PLB1: variants seen among roughly 807,000 people sequenced by gnomAD.
PLB1 encodes the protein phospholipase B1, membrane-associated.
Under a neutral mutation model 227.4 loss-of-function variants are expected in PLB1, and 242 were observed. The observed-to-expected ratio is 1.06, with a 90% CI of 0.96 to 1.18. The LOEUF (loss-of-function observed/expected upper bound fraction) is 1.18, where lower values mean the gene tolerates loss of function less well. Ranked by LOEUF, PLB1 falls within the 50% of genes most tolerant of loss-of-function variation. The probability of loss-of-function intolerance (pLI) is 0.00; values close to 1 mark genes in which losing one functional copy is unlikely to be tolerated. For synonymous variants in PLB1, 757 were observed against 682.2 expected, an observed-to-expected ratio of 1.11 and a Z score of -1.71; for missense variants, 1,858 against 1,816.3, an observed-to-expected ratio of 1.02 and a Z score of -0.42.
intron 33 of PLB1, chr2:28,594,221 G>T: frequency 3.1e-6 from 1 of 320,212 alleles, no homozygotes; most frequent in South Asian, 2.6e-5. Flanking sequence ...ACTTCGAGAG[G>T]CCATAACCAA....
At chr2:28,572,839 A>G (rs1387647195) in intron 20 of PLB1, among the ~76,000 whole-genome samples, 1 of 152,210 alleles carries the variant, frequency 6.6e-6, no homozygotes, top group Non-Finnish European at 1.5e-5. Flanking sequence ...TGATTGTACA[A>G]CTGTGTGAAT....
chr2:28,509,030 C>T (rs778978031), intron 1 of PLB1, among the ~76,000 whole-genome samples: 7 of 152,242 alleles, frequency 4.6e-5, no homozygotes, highest in South Asian at 4.1e-4. Context: ...ATCCTCATAA[C>T]GACCTCATGA....
intron 1 of PLB1, among the ~76,000 whole-genome samples, chr2:28,503,558 C>T (rs981892850): frequency 6.6e-6 from 1 of 152,198 alleles, no homozygotes; most frequent in African/African-American, 2.4e-5. Flanking sequence ...GTTCTGTGAA[C>T]CTGCAGCTTG....
chr2:28,537,332 G>A (rs967279639), intron 9 of PLB1, among the ~76,000 whole-genome samples: 3 of 152,170 alleles, frequency 2.0e-5, no homozygotes, highest in African/African-American at 7.2e-5. Context: ...GGGACAGCCA[G>A]TCTGCTGTTT....
chr2:28,548,600 TAA>T (rs745946787), intron 14 of PLB1: 11 of 358,858 alleles, frequency 3.1e-5, no homozygotes, highest in Non-Finnish European at 4.9e-5. Context: ...TATATATATA[TAA>T]AACCGATGCT....
At chr2:28,570,344 C>T (rs1677796105) in intron 20 of PLB1, among the ~76,000 whole-genome samples, 1 of 152,058 alleles carries the variant, frequency 6.6e-6, no homozygotes, top group East Asian at 1.9e-4. Context: ...GGAATTAGCC[C>T]AGGAATACAA....
At chr2:28,590,568 A>G (rs1681731502) in intron 29 of PLB1, among the ~76,000 whole-genome samples, 1 of 151,910 alleles carries the variant, frequency 6.6e-6, no homozygotes, top group African/African-American at 2.4e-5. Flanking sequence ...CCCCATTTTT[A>G]CTCACAAGTT....
chr2:28,513,680 C>T (rs1283409795), intron 1 of PLB1, among the ~76,000 whole-genome samples: 1 of 152,220 alleles, frequency 6.6e-6, no homozygotes, highest in Non-Finnish European at 1.5e-5. Flanking sequence ...CACATACACA[C>T]CACACAGAGA....
At position 28,589,549 on chromosome 2, in the gene PLB1, A is replaced by ATT. The variant is rs1411892941; in HGVS notation, c.1915_1916insTT (p.Thr639IlefsTer64). 1.2e-6 allele frequency: 2 copies of ATT among 1,614,060 alleles called. No homozygotes were observed. Among genetic ancestry groups the ATT allele is most frequent in the Non-Finnish European group, 1.7e-6 (2 of 1,179,940 alleles). ...CTTTGAAAACGTGGACATGCCAAAG[A>ATT]CCTCGGTAAAGAAAGCAAGCATCGT... On this transcript the variant is annotated frameshift_variant, in exon 27 of 58. Transcript: ENST00000327757. LOFTEE classifies it high-confidence loss of function.
chr2:28,609,053 C>T (rs1163997071), intron 43 of PLB1, among the ~76,000 whole-genome samples: 1 of 152,096 alleles, frequency 6.6e-6, no homozygotes, highest in East Asian at 1.9e-4. Flanking sequence ...GTAGTTGGGA[C>T]TGCAGGCATG....
At chr2:28,573,444 G>A in intron 21 of PLB1, 139 bp downstream of exon 21, 1 of 663,844 alleles carries the variant, frequency 1.5e-6, no homozygotes, top group Non-Finnish European at 2.7e-6. Context: ...CCTGGACAGA[G>A]CTCTCTTGGA....
chr2:28,512,723 T>G, intron 1 of PLB1, among the ~76,000 whole-genome samples: 2 of 150,820 alleles, frequency 1.3e-5, no homozygotes, highest in South Asian at 2.1e-4. Flanking sequence ...ATCCTAGGAG[T>G]CACCCTTGAG....
chr2:28,518,064 T>C (rs938428397), intron 2 of PLB1, among the ~76,000 whole-genome samples: 24 of 152,086 alleles, frequency 1.6e-4, no homozygotes, highest in African/African-American at 5.8e-4. Context: ...GTATTTTTAG[T>C]AGAGACAAAA....
chr2:28,505,197 C>G (rs1667517560), intron 1 of PLB1, among the ~76,000 whole-genome samples: 1 of 152,152 alleles, frequency 6.6e-6, no homozygotes, highest in African/African-American at 2.4e-5. Flanking sequence ...CCAAAATCAT[C>G]CAGCTAATTA....
Position 28,589,161 on chromosome 2 carries a change from T to TC in PLB1, c.1816-283dup, listed in dbSNP as rs556509894. Among the ~76,000 whole-genome samples, 93 of 150,086 alleles carry TC rather than the reference T, an allele frequency of 6.2e-4. 1 individual carries two copies. The highest frequency in any genetic ancestry group is 1.1e-3 in the Non-Finnish European group (76 of 67,548). On this transcript the variant is annotated intron_variant, in intron 26 of 57. Transcript: ENST00000327757. The stretch of plus-strand genomic sequence containing the variant: ...GCCTGGGTGACAGAGTGAGACTCTG[T>TC]CCCCCCAAAAAAAAAAGGTCAAGCT...
chr2:28,509,628 T>A (rs1668005248), intron 1 of PLB1, among the ~76,000 whole-genome samples: 1 of 152,196 alleles, frequency 6.6e-6, no homozygotes, highest in African/African-American at 2.4e-5. Context: ...ACACAAGTGT[T>A]TTTTTTCTTG....
chr2:28,591,211 C>A, intron 30 of PLB1, 40 bp downstream of exon 30: 1 of 1,611,148 alleles, frequency 6.2e-7, no homozygotes. Flanking sequence ...CCAGGCAATG[C>A]AATGGGCAAC....
At chr2:28,630,734 GAA>G (rs1558962399) in intron 54 of PLB1, 70 bp downstream of exon 54, 24 of 1,324,082 alleles carry the variant, frequency 1.8e-5, no homozygotes, top group Non-Finnish European at 2.4e-5. Flanking sequence ...CTGGGAAATC[GAA>G]TGCCCAGCAG....
chr2:28,511,788 CTTT>C (rs59137589), intron 1 of PLB1, among the ~76,000 whole-genome samples: 7 of 132,660 alleles, frequency 5.3e-5, no homozygotes, highest in African/African-American at 8.5e-5. Flanking sequence ...GCCATTTTAT[CTTT>C]TTTTTTTTTT....
Sources: gnomAD v4.1 joint callset for allele counts (sites outside exome capture counted in the v4.1 genomes callset) on GRCh38, gnomAD v4.1.1 for gene constraint, MANE v1.5 for transcripts, NCBI Gene and HGNC (gene_info 2026-07-23, HGNC 2026-07-21) for gene names.